MLLT3: variants seen among roughly 807,000 people sequenced by gnomAD.
MLLT3 encodes protein AF-9.
In MLLT3, 4 loss-of-function variants were observed where a neutral mutation model predicts 53.2. The ratio of observed to expected loss-of-function variants is 0.08; its 90% CI spans 0.04 to 0.17. The LOEUF is 0.17. MLLT3 is among the 10% of genes least tolerant of loss of function. The pLI, the probability that MLLT3 is intolerant of heterozygous loss-of-function variation, is 1.00. For missense variants in MLLT3, 569 were observed against 684.0 expected (o/e 0.83, Z 1.87); for synonymous variants, 283 against 230.6 (o/e 1.23, Z -2.06).
At chr9:20,584,570 G>A (rs1819899063) in intron 2 of MLLT3, among the ~76,000 whole-genome samples, 2 of 152,198 alleles carry the variant, frequency 1.3e-5, no homozygotes, top group South Asian at 4.1e-4. Context: ...GGCAGGAGGT[G>A]AAAGGCACTT....
chr9:20,550,714 TATG>T (rs1325188886), intron 2 of MLLT3, among the ~76,000 whole-genome samples: 1 of 152,178 alleles, frequency 6.6e-6, no homozygotes, highest in African/African-American at 2.4e-5. Context: ...TATTTTTTAA[TATG>T]ATAAAGCTTG....
rs533300794 is a variant in MLLT3, at chr9:20,621,375, G to A, written c.13-541C>T. 1.3e-5 allele frequency among the ~76,000 whole-genome samples: 2 copies of A among 152,140 alleles called. No homozygotes were observed. Among genetic ancestry groups the A allele is most frequent in the Non-Finnish European group, 2.9e-5 (2 of 68,022 alleles). On this transcript the variant is annotated intron_variant, in intron 1 of 10. Coordinates refer to ENST00000380338, the MANE Select transcript of MLLT3 (RefSeq NM_004529.4). The surrounding 1 kb of genome is among the most constrained non-coding windows in gnomAD (Gnocchi z 7.0). ...ATGGAAACTACAGGCAGCCTCTGCT[G>A]ATGGGCACAAACTCCCGTGCTCTTG...
intron 2 of MLLT3, among the ~76,000 whole-genome samples, chr9:20,465,339 T>A (rs562905244): frequency 9.2e-5 from 14 of 152,280 alleles, no homozygotes; most frequent in African/African-American, 3.4e-4. Context: ...CTGAAATAGA[T>A]GGGTGTTGTT....
chr9:20,473,142 T>C (rs1003654745), intron 2 of MLLT3, among the ~76,000 whole-genome samples: 1 of 152,140 alleles, frequency 6.6e-6, no homozygotes, highest in Admixed American at 6.6e-5. Context: ...TGACATCCAC[T>C]GCACTAGAGA....
chr9:20,511,180 T>C (rs956400719), intron 2 of MLLT3, among the ~76,000 whole-genome samples: 1 of 152,152 alleles, frequency 6.6e-6, no homozygotes. Context: ...TATGTGTGTG[T>C]GCATGTTCAT....
In MLLT3 at chr9:20,348,524, C is replaced by G. The variant is rs1820933430; in HGVS notation, c.1576-1950G>C. ...ATGGAAGAAAAGAAAGACAAGGAGC[C>G]TGTGTCATCAGTGGCATCTTTTAAG... On this transcript the variant is annotated intron_variant, in intron 10 of 10. Transcript: ENST00000380338. Among the ~76,000 whole-genome samples the G allele has an allele frequency of 2.0e-5, 3 of 152,184 alleles. 1 individual carries two copies. The South Asian group carries it at 6.2e-4, about 32-fold the overall frequency.
In MLLT3 at chr9:20,413,796, T is replaced by G. The variant is rs1822791238; in HGVS notation, c.1050A>C (p.Ser350=). Residue 350 remains serine (S), a synonymous_variant, in exon 5 of 11, where the codon TCA becomes TCC. Transcript: ENST00000380338. ...CAATATCATCAAATGGCGGTAACGT[T>G]GATTTCTTCTTCTCTGATGTCTCAC... ...IESETSEKKK[S]TLPPFDDIVD... 1 of 1,613,834 alleles carries G rather than the reference T, an allele frequency of 6.2e-7. No homozygotes were observed. The highest frequency in any genetic ancestry group is 1.3e-5 in the African/African-American group (1 of 74,934).
intron 5 of MLLT3, among the ~76,000 whole-genome samples, chr9:20,398,472 C>G (rs1050884674): frequency 3.3e-5 from 5 of 152,106 alleles, no homozygotes; most frequent in African/African-American, 9.7e-5. Context: ...GCTATTCTGT[C>G]TTGACAATTA....
chr9:20,469,584 G>A (rs1367618490), intron 2 of MLLT3, among the ~76,000 whole-genome samples: 1 of 152,010 alleles, frequency 6.6e-6, no homozygotes, highest in Admixed American at 6.6e-5. Context: ...AAAGATTAAG[G>A]CTTCTGCCAG....
At chr9:20,456,636 T>A in intron 3 of MLLT3, 68 bp downstream of exon 3, 1 of 1,137,872 alleles carries the variant, frequency 8.8e-7, no homozygotes, top group Non-Finnish European at 1.3e-6. Context: ...TGAGTCAAAA[T>A]TATTTTAAAC....
chr9:20,416,044 G>C (rs1822863009), intron 4 of MLLT3, among the ~76,000 whole-genome samples: 2 of 151,800 alleles, frequency 1.3e-5, no homozygotes, highest in South Asian at 4.2e-4. Context: ...ATCATAATCT[G>C]AGATTTAAAA....
At chr9:20,364,147 T>A (rs1485960094) in intron 6 of MLLT3, among the ~76,000 whole-genome samples, 1 of 152,236 alleles carries the variant, frequency 6.6e-6, no homozygotes, top group Non-Finnish European at 1.5e-5. Context: ...GATCTTCACA[T>A]TGATCTTGGA....
chr9:20,618,708 G>A (rs1820903634), intron 2 of MLLT3, among the ~76,000 whole-genome samples: 1 of 152,160 alleles, frequency 6.6e-6, no homozygotes, highest in African/African-American at 2.4e-5. Flanking sequence ...CAACTCCCAG[G>A]TGTGGCCTAT....
rs117986636 is a variant in MLLT3 at position 20,571,750 on chromosome 9, A to G, written c.193+48904T>C. Among the ~76,000 whole-genome samples the G allele has an allele frequency of 8.1e-3, 1,234 of 152,332 alleles. 5 individuals carry two copies. The highest frequency in any genetic ancestry group is 0.012 in the Non-Finnish European group (808 of 68,032). ...AAAGACATTCTAAAAGACAAAACAAATGGCCAACAGGTATGTGAAAAAAAT... is the reference window on the plus strand; with the variant it reads ...AAAGACATTCTAAAAGACAAAACAAGTGGCCAACAGGTATGTGAAAAAAAT... On this transcript the variant is annotated intron_variant, in intron 2 of 10. Coordinates refer to ENST00000380338, the MANE Select transcript of MLLT3 (RefSeq NM_004529.4).
At chr9:20,585,838 ATTAAG>A (rs1456032160) in intron 2 of MLLT3, among the ~76,000 whole-genome samples, 1 of 152,238 alleles carries the variant, frequency 6.6e-6, no homozygotes, top group Non-Finnish European at 1.5e-5. Flanking sequence ...GTAACAATAT[ATTAAG>A]ACCTTTCTAA....
chr9:20,564,041 A>G (rs1486140948), intron 2 of MLLT3, among the ~76,000 whole-genome samples: 2 of 152,208 alleles, frequency 1.3e-5, no homozygotes, highest in Non-Finnish European at 2.9e-5. Context: ...GTTTTGAAAA[A>G]TGAGACACTG....
intron 5 of MLLT3, among the ~76,000 whole-genome samples, chr9:20,367,857 T>C (rs1449462119): frequency 6.6e-6 from 1 of 152,218 alleles, no homozygotes; most frequent in African/African-American, 2.4e-5. Flanking sequence ...CAATGCTTTG[T>C]TCATCTCCCT....
intron 2 of MLLT3, among the ~76,000 whole-genome samples, chr9:20,587,481 G>T (rs901923259): frequency 1.1e-4 from 17 of 151,710 alleles, no homozygotes; most frequent in African/African-American, 4.1e-4. Flanking sequence ...GACAAGAGAG[G>T]GGCCCCCTAC....
rs547733990 is a variant in MLLT3, at chr9:20,620,607, G to A, written c.193+47C>T. 17 of 1,569,938 alleles carry A rather than the reference G, an allele frequency of 1.1e-5. 1 individual carries two copies. The South Asian group carries it at 1.1e-4, about 11-fold the overall frequency. On this transcript the variant is annotated intron_variant, in intron 2 of 10. Transcript: ENST00000380338. This position sits in a 1 kb window ranked among gnomAD's most constrained non-coding sequence, Gnocchi z 6.1. ...GCGGGACCGCCCGGGCCAAGCGATT[G>A]TTTCAAAGACATTTTTTATCAAGAC...
Sources: allele counts gnomAD v4.1 joint callset (sites outside exome capture counted in the v4.1 genomes callset), GRCh38; gene constraint gnomAD v4.1.1; non-coding constraint Gnocchi (gnomAD v3.1); transcripts MANE v1.5; gene names NCBI Gene and HGNC (gene_info 2026-07-23, HGNC 2026-07-21).